The following IQGAP2 variants were observed in gnomAD, a reference collection of about 807,000 sequenced individuals.
IQGAP2 encodes ras GTPase-activating-like protein IQGAP2.
IQGAP2 carries 173 observed loss-of-function variants against 201.3 expected under a neutral mutation model. The observed-to-expected ratio is 0.86, with a 90% CI of 0.76 to 0.98. The LOEUF (loss-of-function observed/expected upper bound fraction) is 0.98. IQGAP2 is among the 50% of genes least tolerant of loss of function. The pLI is 0.00. For synonymous variants in IQGAP2, 675 were observed against 673.9 expected, an observed-to-expected ratio of 1.00 and a Z score of -0.03; for missense variants, 1,687 against 1,864.8, an observed-to-expected ratio of 0.90 and a Z score of 1.76.
chr5:76,475,508 C>G (rs1211842130), intron 2 of IQGAP2, among the ~76,000 whole-genome samples: 1 of 152,148 alleles, frequency 6.6e-6, no homozygotes, highest in Admixed American at 6.5e-5. Flanking sequence ...CATTCTCTTT[C>G]AAAGGCTTTA....
At chr5:76,493,619 C>G (rs1183162463) in intron 2 of IQGAP2, among the ~76,000 whole-genome samples, 2 of 151,984 alleles carry the variant, frequency 1.3e-5, no homozygotes, top group African/African-American at 4.8e-5. Context: ...ATAGGTGGCT[C>G]TTTTTTTGGA....
At chr5:76,515,892 T>TTC (rs1484222612) in intron 2 of IQGAP2, among the ~76,000 whole-genome samples, 2 of 148,540 alleles carry the variant, frequency 1.3e-5, no homozygotes, top group African/African-American at 5.0e-5. Flanking sequence ...TTTTTTTTTT[T>TTC]TTTGAGATAG....
intron 5 of IQGAP2, among the ~76,000 whole-genome samples, chr5:76,577,143 G>A (rs936385128): frequency 1.3e-5 from 2 of 152,152 alleles, no homozygotes; most frequent in African/African-American, 4.8e-5. Flanking sequence ...GGGCTGTCTC[G>A]TATAAGTTTC....
chr5:76,680,710 A>C (rs1745203393), intron 28 of IQGAP2, among the ~76,000 whole-genome samples: 1 of 151,024 alleles, frequency 6.6e-6, no homozygotes, highest in South Asian at 2.1e-4. Context: ...AGGATCCCTT[A>C]AAGCCAGGAG....
At chr5:76,573,881 T>C (rs752536319) in intron 4 of IQGAP2, among the ~76,000 whole-genome samples, 5 of 151,668 alleles carry the variant, frequency 3.3e-5, no homozygotes, top group Non-Finnish European at 7.4e-5. Context: ...GCCTCTGCCT[T>C]CCAAAGCACC....
At chr5:76,681,107 A>G (rs1745249755) in intron 28 of IQGAP2, among the ~76,000 whole-genome samples, 1 of 150,658 alleles carries the variant, frequency 6.6e-6, no homozygotes, top group East Asian at 1.9e-4. Flanking sequence ...AAAAAAAAAA[A>G]AAAAAAAAAC....
At chr5:76,532,103 AG>A (rs1482742352) in intron 2 of IQGAP2, among the ~76,000 whole-genome samples, 2 of 152,218 alleles carry the variant, frequency 1.3e-5, no homozygotes, top group African/African-American at 4.8e-5. Flanking sequence ...TAGGAGTTTG[AG>A]GGGGACATAA....
chr5:76,550,315 A>G lies in IQGAP2; in HGVS notation c.147-12081A>G, dbSNP rs112754585. On this transcript the variant is annotated intron_variant, in intron 2 of 35. Coordinates refer to ENST00000274364, the MANE Select transcript of IQGAP2 (RefSeq NM_006633.5). ...TGAAAATAATTCTTTTTACATGATGATCTGTCCTCCAGGCCCATTGGGCTG... is the reference window on the plus strand; with the variant it reads ...TGAAAATAATTCTTTTTACATGATGGTCTGTCCTCCAGGCCCATTGGGCTG... Among the ~76,000 whole-genome samples the G allele has an allele frequency of 3.0e-3, 454 of 150,206 alleles. 4 individuals carry two copies. The highest frequency in any genetic ancestry group is 3.7e-3 in the Non-Finnish European group (247 of 67,496).
intron 16 of IQGAP2, among the ~76,000 whole-genome samples, chr5:76,638,030 T>A (rs1417036715): frequency 2.6e-5 from 4 of 152,232 alleles, no homozygotes; most frequent in Admixed American, 1.3e-4. Flanking sequence ...CCAAACTATA[T>A]AAATAGTACC....
intron 31 of IQGAP2, 94 bp downstream of exon 31, chr5:76,693,536 A>C: frequency 1.2e-6 from 1 of 832,320 alleles, no homozygotes; most frequent in Non-Finnish European, 2.0e-6. Flanking sequence ...GAGAAACTGT[A>C]TCTGACATGG....
chr5:76,672,913 G>A (rs1744475068), intron 24 of IQGAP2, among the ~76,000 whole-genome samples: 1 of 145,136 alleles, frequency 6.9e-6, no homozygotes, highest in African/African-American at 2.5e-5. Context: ...TGTGGGATTG[G>A]GGGAGGGGGG....
chr5:76,652,537 T>C (rs1752600483), intron 17 of IQGAP2, among the ~76,000 whole-genome samples: 1 of 152,192 alleles, frequency 6.6e-6, no homozygotes, highest in Non-Finnish European at 1.5e-5. Context: ...TACTCTGCTG[T>C]CCTAAGCTTA....
chr5:76,628,695 C>A (rs767797649), intron 14 of IQGAP2: 1 of 456,216 alleles, frequency 2.2e-6, no homozygotes, highest in South Asian at 1.5e-5. Flanking sequence ...ATGGGCTTTT[C>A]AACCTCGGAA....
At chr5:76,683,412 A>G (rs971013723) in intron 29 of IQGAP2, among the ~76,000 whole-genome samples, 195 bp downstream of exon 29, 7 of 152,232 alleles carry the variant, frequency 4.6e-5, no homozygotes, top group Non-Finnish European at 7.3e-5. Flanking sequence ...CCGGGATTAT[A>G]AAATAATTCA....
At chr5:76,442,399 T>C (rs1255065952) in intron 1 of IQGAP2, among the ~76,000 whole-genome samples, 2 of 152,216 alleles carry the variant, frequency 1.3e-5, no homozygotes, top group African/African-American at 4.8e-5. Flanking sequence ...GGCTTTGACA[T>C]AATACAGACC....
intron 2 of IQGAP2, among the ~76,000 whole-genome samples, chr5:76,505,238 C>T (rs911082125): frequency 6.6e-6 from 1 of 152,200 alleles, no homozygotes; most frequent in Non-Finnish European, 1.5e-5. Flanking sequence ...AAGGAATGAG[C>T]GGATGAATGA....
Position 76,668,812 on chromosome 5 carries a change from G to T in IQGAP2, c.2811G>T (p.Lys937Asn), listed in dbSNP as rs1053371613. 1.2e-6 allele frequency: 2 copies of T among 1,605,244 alleles called. No homozygotes were observed. Among genetic ancestry groups the T allele is most frequent in the South Asian group, 2.2e-5 (2 of 89,166 alleles). The change falls in exon 23 of 36, where the codon AAG becomes AAT. Residue 937 changes from lysine to asparagine, a missense_variant. Physicochemically the swap from Lys to Asn is moderately conservative, Grantham distance 94 (BLOSUM62 0). Coordinates refer to ENST00000274364, the MANE Select transcript of IQGAP2 (RefSeq NM_006633.5). ...SNQREEYLLL[K>N]LFKTALEEEI... ...AGCGAGAAGAATATCTACTTCTCAA[G>T]CTTTTTAAAACTGCTCTGGAGGAAG...
At chr5:76,663,189 A>G (rs1182004396) in intron 21 of IQGAP2, among the ~76,000 whole-genome samples, 1 of 152,168 alleles carries the variant, frequency 6.6e-6, no homozygotes, top group African/African-American at 2.4e-5. Flanking sequence ...GAAAATGACT[A>G]GGGGCCCCTG....
At chr5:76,511,513 G>A (rs1757958316) in intron 2 of IQGAP2, among the ~76,000 whole-genome samples, 1 of 152,230 alleles carries the variant, frequency 6.6e-6, no homozygotes, top group Non-Finnish European at 1.5e-5. Context: ...TGCACCTGTA[G>A]CTGTGAAGAA....
Sources: gnomAD v4.1 joint callset for allele counts (sites outside exome capture counted in the v4.1 genomes callset) on GRCh38, gnomAD v4.1.1 for gene constraint, MANE v1.5 for transcripts, NCBI Gene and HGNC (gene_info 2026-07-23, HGNC 2026-07-21) for gene names.